Variants in RIMKLB observed in about 807,000 individuals in gnomAD.
RIMKLB encodes ribosomal modification protein rimK like family member B, also known as beta-citrylglutamate synthase B.
In RIMKLB, 7 loss-of-function variants were observed where a neutral mutation model predicts 32.0. That is an observed-to-expected ratio of 0.22 (90% CI 0.12 to 0.41). The LOEUF is 0.41. Among genes scored for constraint, RIMKLB ranks in the 10% least tolerant of loss-of-function variants. RIMKLB has a pLI of 1.00. For synonymous variants in RIMKLB, 172 were observed against 185.1 expected (o/e 0.93, Z 0.57); for missense variants, 289 against 498.7 (o/e 0.58, Z 4.00).
At chr12:8,768,285 C>T (rs958941553) in intron 5 of RIMKLB, among the ~76,000 whole-genome samples, 4 of 152,172 alleles carry the variant, frequency 2.6e-5, no homozygotes, top group Admixed American at 2.6e-4. Context: ...GGACATCCTG[C>T]TGGATCTGGA....
At chr12:8,694,396 C>CTTTTTTTTTTT (rs34896689), upstream of RIMKLB, among the ~76,000 whole-genome samples, 2 of 122,494 alleles carry the variant, frequency 1.6e-5, no homozygotes, top group Non-Finnish European at 1.6e-5. Flanking sequence ...AATTTTTTTT[C>CTTTTTTTTTTT]TTTTTTTTTT....
At chr12:8,751,278 G>A (rs539227763) in intron 3 of RIMKLB, among the ~76,000 whole-genome samples, 8 of 152,106 alleles carry the variant, frequency 5.3e-5, no homozygotes, top group African/African-American at 9.7e-5. Flanking sequence ...ATTTTGCAAC[G>A]CTACACATTT....
chr12:8,716,725 C>CTTTTTT (rs71451981), intron 2 of RIMKLB, among the ~76,000 whole-genome samples: 1,057 of 95,022 alleles, frequency 0.011, 2 homozygotes, highest in African/African-American at 0.012. Flanking sequence ...TCTTTTCCTT[C>CTTTTTT]TTTTTTTTTT....
chr12:8,774,638 T>C lies in RIMKLB; in HGVS notation c.*854T>C. ...TGCTCTATGCCTGCATCTTTAACAATGGCCAAAGTGAAGAAAATGCTACCT... is the reference window on the plus strand; with the variant it reads ...TGCTCTATGCCTGCATCTTTAACAACGGCCAAAGTGAAGAAAATGCTACCT... On this transcript the variant is annotated 3_prime_UTR_variant, in exon 6 of 6. Transcript: ENST00000535829. 1.0e-6 allele frequency: 1 copy of C among 985,026 alleles called. No homozygotes were observed. Among genetic ancestry groups the C allele is most frequent in the Non-Finnish European group, 1.2e-6 (1 of 829,576 alleles). The allele number at this position is 985,026 out of a possible 1,614,324, so 61.0% of individuals were successfully genotyped here. A position where few individuals can be genotyped will look rare whatever the true frequency, so the allele number is the denominator to read the frequency against.
intron 1 of RIMKLB, among the ~76,000 whole-genome samples, chr12:8,702,032 T>C (rs371095602): frequency 3.7e-4 from 56 of 152,072 alleles, no homozygotes; most frequent in African/African-American, 1.3e-3. Context: ...ATAGATCTTA[T>C]GGGGACACCC....
chr12:8,727,361 A>G (rs1381313110), intron 2 of RIMKLB, among the ~76,000 whole-genome samples: 3 of 152,182 alleles, frequency 2.0e-5, no homozygotes, highest in Non-Finnish European at 2.9e-5. Flanking sequence ...CAGCTTCCCA[A>G]GTAGCTGGGA....
rs181398556 is a variant in RIMKLB, at chr12:8,702,934, C to T, written c.-57+4637C>T. 8.5e-5 allele frequency among the ~76,000 whole-genome samples: 13 copies of T among 152,332 alleles called. No homozygotes were observed. The East Asian group carries it at 2.5e-3, about 29-fold the overall frequency. Reference sequence around the variant, plus strand: ...GTGCATTAAACCTAGGAACTGTCTTCTGTGCCATGTTCCAGAAATAATTTG... The same window carrying T: ...GTGCATTAAACCTAGGAACTGTCTTTTGTGCCATGTTCCAGAAATAATTTG... On this transcript the variant is annotated intron_variant, in intron 1 of 5. Transcript: ENST00000535829.
Position 8,776,942 on chromosome 12 carries a change from T to G in RIMKLB, c.*3158T>G. 1.0e-6 allele frequency: 1 copy of G among 985,824 alleles called. No homozygotes were observed. The highest frequency in any genetic ancestry group is 1.2e-6 in the Non-Finnish European group (1 of 829,914). The allele number at this position is 985,824 out of a possible 1,614,324, so 61.1% of individuals were successfully genotyped here. ...TTCAGTGAATCCCCAGTTTGGGGCT[T>G]GTGGGGCTTAGAGACATTGTGAAAT... is the stretch of plus-strand genomic sequence containing the variant. On this transcript the variant is annotated 3_prime_UTR_variant, in exon 6 of 6. Transcript: ENST00000535829.
At chr12:8,718,372 A>C (rs952142213) in intron 2 of RIMKLB, among the ~76,000 whole-genome samples, 1 of 152,228 alleles carries the variant, frequency 6.6e-6, no homozygotes, top group African/African-American at 2.4e-5. Context: ...GCGGCTGGGC[A>C]CAGTGGCTCA....
intron 2 of RIMKLB, among the ~76,000 whole-genome samples, chr12:8,722,988 T>C (rs1945614330): frequency 6.6e-6 from 1 of 152,246 alleles, no homozygotes; most frequent in African/African-American, 2.4e-5. Flanking sequence ...ACTAAAACTT[T>C]CTCCATATCA....
intron 1 of RIMKLB, chr12:8,681,825 AAT>A (rs1264390235): frequency 1.3e-5 from 2 of 152,186 alleles, no homozygotes; most frequent in Non-Finnish European, 2.9e-5. Context: ...ACTGGTAAGT[AAT>A]ATGTTTTCCT....
the RIMKLB span, among the ~76,000 whole-genome samples, chr12:8,670,141 G>A: frequency 3.6e-4 from 55 of 151,854 alleles, no homozygotes; most frequent in African/African-American, 1.2e-3. Context: ...TTTAGGTGAG[G>A]ACACAGCCAA....
chr12:8,750,499 T>C (rs1367314300), intron 3 of RIMKLB, among the ~76,000 whole-genome samples: 3 of 152,210 alleles, frequency 2.0e-5, no homozygotes, highest in African/African-American at 4.8e-5. Flanking sequence ...AAAAGATAAT[T>C]CTAATTTTAT....
At position 8,773,513 on chromosome 12, in the gene RIMKLB, G is replaced by A. The variant is rs1328787634; in HGVS notation, c.890G>A (p.Gly297Asp). 3 of 1,614,124 alleles carry A rather than the reference G, an allele frequency of 1.9e-6. No individual in the cohort carries two copies. Among genetic ancestry groups the A allele is most frequent in the Non-Finnish European group, 2.5e-6 (3 of 1,180,060 alleles). Residue 297 changes from glycine to aspartate, a missense_variant, in exon 6 of 6, where the codon GGT becomes GAT. Gly to Asp is a moderately conservative substitution (Grantham distance 94). Around this residue, in one of 3 missense-constraint regions of RIMKLB, gnomAD observed 99 missense variants for 133.9 expected, o/e 0.74. Transcript: ENST00000535829. The part of the protein sequence containing the change: ...FDKACNLDVA[G>D]IIADYAASLL... ...AAGGCTTGTAATCTAGATGTAGCTG[G>A]TATCATAGCAGACTATGCCGCCTCC...
At chr12:8,781,529 T>A (rs1281641993), downstream of RIMKLB, among the ~76,000 whole-genome samples, 1 of 152,230 alleles carries the variant, frequency 6.6e-6, no homozygotes, top group Non-Finnish European at 1.5e-5. Flanking sequence ...CCACCCTGCC[T>A]GTTCACCTTT....
At chr12:8,723,298 G>A (rs1945651638) in intron 2 of RIMKLB, among the ~76,000 whole-genome samples, 1 of 152,224 alleles carries the variant, frequency 6.6e-6, no homozygotes, top group Non-Finnish European at 1.5e-5. Context: ...GAGAGGGAGA[G>A]AGATGGGGAA....
At chr12:8,753,805 TTGTGA>T in intron 4 of RIMKLB, 80 bp from the exon 5 acceptor site, 5 of 1,076,122 alleles carry the variant, frequency 4.6e-6, no homozygotes, top group Non-Finnish European at 7.0e-6. Context: ...AAATAGCAGA[TTGTGA>T]TACAAGAAGA....
chr12:8,681,658 A>G (rs994038772), exon 1 of RIMKLB: 3 of 152,214 alleles, frequency 2.0e-5, no homozygotes, highest in African/African-American at 4.8e-5. Flanking sequence ...ATAAAAACTC[A>G]TGAACAGTGG....
At chr12:8,680,684 A>G (rs963543781), upstream of RIMKLB, among the ~76,000 whole-genome samples, 4 of 152,106 alleles carry the variant, frequency 2.6e-5, no homozygotes, top group Non-Finnish European at 5.9e-5. Flanking sequence ...TAACACCGCT[A>G]TACTGTCTGG....
Sources: allele counts gnomAD v4.1 joint callset (sites outside exome capture counted in the v4.1 genomes callset), GRCh38; gene constraint gnomAD v4.1.1; regional missense constraint gnomAD v4.1.1; transcripts MANE v1.5; gene names NCBI Gene and HGNC (gene_info 2026-07-23, HGNC 2026-07-21).